Variants in STARD9 observed in about 807,000 individuals in gnomAD.
STARD9 encodes the protein stAR-related lipid transfer protein 9.
Under a neutral mutation model 399.8 loss-of-function variants are expected in STARD9, and 346 were observed. The ratio of observed to expected loss-of-function variants is 0.87; its 90% confidence interval spans 0.79 to 0.95. STARD9 has a LOEUF of 0.95. Ranked by LOEUF, STARD9 falls within the 40% of genes least tolerant of loss-of-function variation. STARD9 has a pLI of 0.00. For synonymous variants in STARD9, 2,203 were observed against 2,143.5 expected (o/e 1.03, Z -0.77); for missense variants, 5,832 against 5,667.5 (o/e 1.03, Z -0.93).
Position 42,675,901 on chromosome 15 carries a change from G to C in STARD9, c.1800G>C (p.Ser600=). ...QVGEAAAGRG[S]LEWLDLDGDL... ...GAGAGGCTGCTGCTGGTCGTGGCTC[G>C]TTGGAGTGGCTGGATTTGGATGGAG... The change falls in exon 20 of 33, where the codon TCG becomes TCC. Residue 600 remains serine (S), a synonymous_variant. Coordinates refer to ENST00000290607, the MANE Select transcript of STARD9 (RefSeq NM_020759.3). The C allele has an allele frequency of 6.5e-7, 1 of 1,537,220 alleles. No individual in the cohort carries two copies. Among genetic ancestry groups the C allele is most frequent in the Non-Finnish European group, 8.7e-7 (1 of 1,146,890 alleles).
rs906210409 is a variant in STARD9 at position 42,686,921 on chromosome 15, C to T, written c.5343C>T (p.Gly1781=). Residue 1781 remains glycine (G), a synonymous_variant, in exon 23 of 33, where the codon GGC becomes GGT. Coordinates refer to ENST00000290607, the MANE Select transcript of STARD9 (RefSeq NM_020759.3). ...VPSPPPREAW[G]FGHNHQALQG... ...CCCCACCCCCCAGGGAAGCCTGGGG[C>T]TTTGGTCACAACCACCAAGCTCTCC... The T allele has an allele frequency of 2.0e-6, 3 of 1,536,602 alleles. No individual in the cohort carries two copies. The highest frequency in any genetic ancestry group is 2.6e-6 in the Non-Finnish European group (3 of 1,146,816).
intron 26 of STARD9, among the ~76,000 whole-genome samples, chr15:42,710,155 G>A (rs2061180989): frequency 6.7e-6 from 1 of 150,140 alleles, no homozygotes; most frequent in Non-Finnish European, 1.5e-5. Context: ...GACCTCCCTG[G>A]GCGCCGGTGA....
At chr15:42,706,564 C>T (rs2061089732) in intron 26 of STARD9, among the ~76,000 whole-genome samples, 2 of 152,000 alleles carry the variant, frequency 1.3e-5, no homozygotes, top group South Asian at 4.1e-4. Flanking sequence ...ATTCTCCTGC[C>T]TCAGCCTCCC....
intron 28 of STARD9, among the ~76,000 whole-genome samples, chr15:42,717,329 T>TA (rs761847233): frequency 6.6e-6 from 1 of 151,182 alleles, no homozygotes; most frequent in Admixed American, 6.6e-5. Flanking sequence ...TACAAAAAAA[T>TA]AAAAAACATT....
intron 31 of STARD9, 48 bp downstream of exon 31, chr15:42,718,562 G>A: frequency 1.3e-6 from 2 of 1,516,192 alleles, no homozygotes; most frequent in Non-Finnish European, 1.8e-6. Context: ...TTGGGCTGAA[G>A]TGTCGTGAGA....
At chr15:42,623,389 T>C (rs576297817) in intron 3 of STARD9, among the ~76,000 whole-genome samples, 15 of 152,362 alleles carry the variant, frequency 9.8e-5, no homozygotes, top group African/African-American at 3.6e-4. Context: ...TGTACTGGTA[T>C]TGAACTGTTT....
chr15:42,671,227 G>A (rs1318909697), intron 16 of STARD9: 10 of 147,000 alleles, frequency 6.8e-5, no homozygotes, highest in Non-Finnish European at 4.4e-5. Context: ...CAACCTCCTG[G>A]GCTCAAGTGA....
chr15:42,606,694 T>C (rs2058730264), intron 3 of STARD9, among the ~76,000 whole-genome samples: 1 of 151,690 alleles, frequency 6.6e-6, no homozygotes, highest in Non-Finnish European at 1.5e-5. Context: ...ACTCCTGGGC[T>C]CAGGTGGTCC....
Position 42,690,834 on chromosome 15 carries a change from G to A in STARD9, c.9256G>A (p.Glu3086Lys). 4 of 1,537,112 alleles carry A rather than the reference G, an allele frequency of 2.6e-6. No individual in the cohort carries two copies. The South Asian group carries it at 4.8e-5, about 18-fold the overall frequency. The change falls in exon 23 of 33, where the codon GAG becomes AAG. Residue 3086 changes from glutamate to lysine, a missense_variant. Glu to Lys is a moderately conservative substitution (Grantham distance 56, BLOSUM62 1). This residue lies in a region of STARD9 where 5,828 missense variants were observed against 5,651.1 expected (regional missense o/e 1.03). Coordinates refer to ENST00000290607, the MANE Select transcript of STARD9 (RefSeq NM_020759.3). ...DGSVGLIGVP[E>K]KKVAEKQAST... Reference sequence around the variant, plus strand: ...AAGCGTGGGGTTAATAGGGGTTCCTGAGAAAAAGGTTGCTGAGAAGCAAGC... The same window carrying A: ...AAGCGTGGGGTTAATAGGGGTTCCTAAGAAAAAGGTTGCTGAGAAGCAAGC...
chr15:42,686,003 T>C lies in STARD9; in HGVS notation c.4425T>C (p.His1475=). The C allele has an allele frequency of 3.3e-6, 5 of 1,537,334 alleles. No individual in the cohort carries two copies. Among genetic ancestry groups the C allele is most frequent in the Non-Finnish European group, 4.4e-6 (5 of 1,146,924 alleles). Residue 1475 remains histidine (H), a synonymous_variant, in exon 23 of 33, where the codon CAT becomes CAC. Coordinates refer to ENST00000290607, the MANE Select transcript of STARD9 (RefSeq NM_020759.3). ...VLAASATTLT[H]VGSTHERDWS... ...CTGCCTCTGCCACCACCTTGACTCATGTAGGCAGCACCCATGAAAGGGATT... is the reference window on the plus strand; with the variant it reads ...CTGCCTCTGCCACCACCTTGACTCACGTAGGCAGCACCCATGAAAGGGATT...
chr15:42,590,808 G>A (rs555332268), intron 3 of STARD9, among the ~76,000 whole-genome samples: 1 of 152,280 alleles, frequency 6.6e-6, no homozygotes, highest in South Asian at 2.1e-4. Context: ...TAAACAGTCA[G>A]CTCCAGTGTG....
At chr15:42,587,426 C>T (rs866942846) in intron 3 of STARD9, among the ~76,000 whole-genome samples, 1 of 152,162 alleles carries the variant, frequency 6.6e-6, no homozygotes, top group Non-Finnish European at 1.5e-5. Flanking sequence ...CTTTGTAGTC[C>T]TAATGTGTTT....
At position 42,716,906 on chromosome 15, in the gene STARD9, G is replaced by C. The variant is rs1292186781; in HGVS notation, c.13373-21G>C. The C allele has an allele frequency of 2.0e-6, 3 of 1,537,124 alleles. No homozygotes were observed. The Admixed American group carries it at 5.9e-5, about 30-fold the overall frequency. On this transcript the variant is annotated intron_variant, in intron 27 of 32. Transcript: ENST00000290607. ...CCCTGATGTTCAGTGCTATCACAGG[G>C]CCTCCACCTATTTCTTGTAGGCCAC...
In STARD9 at chr15:42,674,904, C is replaced by G. The variant is rs1286258094; in HGVS notation, c.1627C>G (p.Arg543Gly). 5 of 1,537,018 alleles carry G rather than the reference C, an allele frequency of 3.3e-6. No homozygotes were observed. Among genetic ancestry groups the G allele is most frequent in the Non-Finnish European group, 3.5e-6 (4 of 1,146,788 alleles). The change falls in exon 18 of 33, where the codon CGT (arginine) becomes GGT (glycine). Residue 543 changes from arginine (R) to glycine (G), a missense_variant. This residue lies in a region of STARD9 where 5,828 missense variants were observed against 5,651.1 expected (regional missense o/e 1.03). Coordinates refer to ENST00000290607, the MANE Select transcript of STARD9 (RefSeq NM_020759.3). ...TGGTGTAGTTGTTCTACGACCTGCCCGTGGGGCCCGCTGTACAGTCAATGG... is the reference window on the plus strand; with the variant it reads ...TGGTGTAGTTGTTCTACGACCTGCCGGTGGGGCCCGCTGTACAGTCAATGG... ...ACGVVVLRPA[R>G]GARCTVNGRE...
intron 3 of STARD9, among the ~76,000 whole-genome samples, chr15:42,626,300 C>T (rs539519966): frequency 8.8e-5 from 10 of 113,114 alleles, no homozygotes; most frequent in African/African-American, 3.5e-4. Context: ...CCTCTTCCTC[C>T]CCTTCTTCCT....
At chr15:42,639,189 A>T (rs901546782) in intron 7 of STARD9, among the ~76,000 whole-genome samples, 3 of 152,234 alleles carry the variant, frequency 2.0e-5, no homozygotes, top group Non-Finnish European at 4.4e-5. Flanking sequence ...GAATGACGTA[A>T]CGTGGTGAGA....
In STARD9 at chr15:42,675,865, G is replaced by A. The variant is rs1479806396; in HGVS notation, c.1771-7G>A. On this transcript the variant is annotated splice_polypyrimidine_tract_variant and splice_region_variant and intron_variant, in intron 19 of 32. Transcript: ENST00000290607. ...GCAGCCTCACTGTGCTTTCTTCCTT[G>A]TTCAAGGTTGGAGAGGCTGCTGCTG... is the stretch of plus-strand genomic sequence containing the variant. The A allele has an allele frequency of 2.0e-6, 3 of 1,537,226 alleles. No homozygotes were observed. The highest frequency in any genetic ancestry group is 8.7e-7 in the Non-Finnish European group (1 of 1,146,870).
intron 16 of STARD9, chr15:42,669,877 C>T (rs1043642504): frequency 1.3e-4 from 19 of 151,958 alleles, no homozygotes; most frequent in African/African-American, 3.6e-4. Flanking sequence ...ATGGTGAAAC[C>T]CCACCTCTAC....
At chr15:42,665,221 A>G (rs1025041163) in intron 13 of STARD9, 32 bp from the exon 14 acceptor site, 2 of 1,508,538 alleles carry the variant, frequency 1.3e-6, no homozygotes, top group African/African-American at 1.4e-5. Context: ...ACTTGATAAC[A>G]ATCAGTGGTG....
Sources: gnomAD v4.1 joint callset for allele counts (sites outside exome capture counted in the v4.1 genomes callset) on GRCh38, gnomAD v4.1.1 for gene constraint, gnomAD v4.1.1 regional missense constraint, MANE v1.5 for transcripts, NCBI Gene and HGNC (gene_info 2026-07-23, HGNC 2026-07-21) for gene names.